TRIM5: variants seen among roughly 807,000 people sequenced by gnomAD.
TRIM5 encodes tripartite motif containing 5.
Under a neutral mutation model 35.6 loss-of-function variants are expected in TRIM5, and 31 were observed. That is an observed-to-expected ratio of 0.87 (90% confidence interval 0.65 to 1.18). TRIM5 has a LOEUF of 1.18. Among genes scored for constraint, TRIM5 ranks in the 50% most tolerant of loss-of-function variants. The pLI is 0.00. For synonymous variants in TRIM5, 243 were observed against 215.6 expected (o/e 1.13, Z -1.11); for missense variants, 609 against 591.6 (o/e 1.03, Z -0.31).
chr11:5,658,877 T>A (rs930774818), downstream of TRIM5, among the ~76,000 whole-genome samples: 2 of 152,086 alleles, frequency 1.3e-5, no homozygotes, highest in Non-Finnish European at 2.9e-5. Context: ...CTGGAAACCA[T>A]CATTCTCAGC....
the TRIM5 span, among the ~76,000 whole-genome samples, chr11:5,653,292 G>A: frequency 6.6e-6 from 1 of 152,056 alleles, no homozygotes; most frequent in Non-Finnish European, 1.5e-5. Flanking sequence ...TGAATCTAAT[G>A]TGCCTTGAAG....
chr11:5,590,733 CTG>C, the TRIM5 span: 1 of 152,334 alleles, frequency 6.6e-6, no homozygotes, highest in Non-Finnish European at 1.5e-5. Context: ...ACCTTCCACA[CTG>C]TGGAAGCTTT....
the TRIM5 span, among the ~76,000 whole-genome samples, chr11:5,606,970 G>A: frequency 4.6e-5 from 7 of 152,278 alleles, no homozygotes; most frequent in East Asian, 5.8e-4. Context: ...TTGGGAGGCC[G>A]AGGCAGGCGG....
the TRIM5 span, chr11:5,645,913 A>G: frequency 6.1e-6 from 1 of 163,212 alleles, no homozygotes; most frequent in African/African-American, 2.8e-5. Flanking sequence ...ATAGATATAT[A>G]TAGATATATA....
At chr11:5,620,971 G>A in the TRIM5 span, among the ~76,000 whole-genome samples, 1 of 152,176 alleles carries the variant, frequency 6.6e-6, no homozygotes, top group African/African-American at 2.4e-5. Context: ...TCTGGTCCCA[G>A]CTTTACTAGA....
the TRIM5 span, chr11:5,642,320 G>C: frequency 8.2e-7 from 1 of 1,220,098 alleles, no homozygotes; most frequent in Non-Finnish European, 1.2e-6. Flanking sequence ...GTGCATCAGT[G>C]ATGTGAAGGA....
At chr11:5,603,314 T>A in the TRIM5 span, 3 of 1,614,086 alleles carry the variant, frequency 1.9e-6, no homozygotes, top group South Asian at 1.1e-5. Context: ...GTAGCTACAA[T>A]GACTTCACCA....
At chr11:5,643,532 C>T in the TRIM5 span, 1 of 1,614,178 alleles carries the variant, frequency 6.2e-7, no homozygotes, top group African/African-American at 1.3e-5. Context: ...CTGTGCCTCC[C>T]TGCCGTGTTG....
chr11:5,669,953 C>T (rs1208611722), intron 4 of TRIM5: 21 of 173,468 alleles, frequency 1.2e-4, no homozygotes, highest in South Asian at 5.3e-4. Context: ...CCAGCCTGGG[C>T]AACAGAGCGA....
At chr11:5,591,192 G>A in the TRIM5 span, among the ~76,000 whole-genome samples, 1 of 152,228 alleles carries the variant, frequency 6.6e-6, no homozygotes, top group African/African-American at 2.4e-5. Flanking sequence ...CATTCATCAA[G>A]ATAAGTAATA....
At chr11:5,603,781 G>C in the TRIM5 span, 7 of 1,597,656 alleles carry the variant, frequency 4.4e-6, no homozygotes, top group Non-Finnish European at 6.0e-6. Context: ...AGGGTCTTTG[G>C]CAGGTTTTAA....
chr11:5,632,969 G>GGCGCCTGCCACC, the TRIM5 span, among the ~76,000 whole-genome samples: 1 of 148,634 alleles, frequency 6.7e-6, no homozygotes, highest in South Asian at 2.2e-4. Flanking sequence ...TCGGATTACA[G>GGCGCCTGCCACC]GCGCCTGCCA....
At chr11:5,652,404 CCATT>C in the TRIM5 span, among the ~76,000 whole-genome samples, 1 of 152,126 alleles carries the variant, frequency 6.6e-6, no homozygotes, top group Non-Finnish European at 1.5e-5. Flanking sequence ...GTATCTCAGC[CCATT>C]CATTGAATAA....
chr11:5,643,459 G>A, the TRIM5 span: 23 of 1,614,186 alleles, frequency 1.4e-5, no homozygotes, highest in East Asian at 2.2e-5. Flanking sequence ...CAGAATAAAT[G>A]TAAGTATGGT....
chr11:5,678,197 T>A lies in TRIM5; in HGVS notation c.744+7A>T, dbSNP rs1327896184. The A allele has an allele frequency of 3.8e-6, 6 of 1,598,658 alleles. No individual in the cohort carries two copies. Among genetic ancestry groups the A allele is most frequent in the Non-Finnish European group, 5.1e-6 (6 of 1,169,718 alleles). ...TCTCAGTGCTCAGGCTTCTTTCCACTTTTTACCTGAAGCAGCTCCATCACT... is the reference window on the plus strand; with the variant it reads ...TCTCAGTGCTCAGGCTTCTTTCCACATTTTACCTGAAGCAGCTCCATCACT... On this transcript the variant is annotated splice_region_variant and intron_variant, in intron 4 of 7. Coordinates refer to ENST00000380034, the MANE Select transcript of TRIM5 (RefSeq NM_033034.3).
At chr11:5,666,215 C>A (rs750841646) in intron 5 of TRIM5, 134 bp from the exon 6 acceptor site, 4 of 761,200 alleles carry the variant, frequency 5.3e-6, no homozygotes, top group African/African-American at 3.5e-5. Flanking sequence ...AGGGAGAGTG[C>A]AAACTCTTGA....
the TRIM5 span, chr11:5,596,636 C>T: frequency 2.4e-6 from 1 of 414,104 alleles, no homozygotes; most frequent in South Asian, 2.9e-5. Flanking sequence ...CGACTCCTCC[C>T]AGAAGGAGTT....
the TRIM5 span, among the ~76,000 whole-genome samples, chr11:5,628,350 A>T: frequency 6.6e-6 from 1 of 152,246 alleles, no homozygotes; most frequent in Admixed American, 6.5e-5. Flanking sequence ...AGCCATAAAC[A>T]GGGGTGAATA....
the TRIM5 span, chr11:5,610,307 G>A: frequency 2.5e-6 from 4 of 1,609,234 alleles, no homozygotes; most frequent in Non-Finnish European, 3.4e-6. Context: ...GAAATAAACG[G>A]GATAGAGGCT....
Sources: gnomAD v4.1 joint callset for allele counts (sites outside exome capture counted in the v4.1 genomes callset) on GRCh38, gnomAD v4.1.1 for gene constraint, MANE v1.5 for transcripts, NCBI Gene and HGNC (gene_info 2026-07-23, HGNC 2026-07-21) for gene names.